The following POTEC variants were observed in gnomAD, a reference collection of about 807,000 sequenced individuals.
POTEC encodes POTE ankyrin domain family member C.
POTEC carries 35 observed loss-of-function variants against 62.0 expected under a neutral mutation model. The ratio of observed to expected loss-of-function variants is 0.56; its 90% CI spans 0.43 to 0.75. POTEC has a LOEUF of 0.75. Ranked by LOEUF, POTEC falls within the 30% of genes least tolerant of loss-of-function variation. The pLI is 0.00. For synonymous variants in POTEC, 156 were observed against 221.5 expected, an observed-to-expected ratio of 0.70 and a Z score of 2.62; for missense variants, 472 against 655.9, an observed-to-expected ratio of 0.72 and a Z score of 3.06.
intron 1 of POTEC, among the ~76,000 whole-genome samples, chr18:14,542,046 G>T (rs1415923841): frequency 1.3e-5 from 2 of 151,918 alleles, no homozygotes; most frequent in Non-Finnish European, 2.9e-5. Flanking sequence ...GCAATTTAAA[G>T]ACACTAAGAC....
chr18:14,520,613 T>A (rs552474807), intron 9 of POTEC, among the ~76,000 whole-genome samples: 10 of 151,868 alleles, frequency 6.6e-5, no homozygotes, highest in African/African-American at 2.2e-4. Flanking sequence ...GTGAGGTGAA[T>A]ACTGAAATAT....
intron 6 of POTEC, among the ~76,000 whole-genome samples, chr18:14,525,619 T>C (rs1034515640): frequency 6.6e-6 from 1 of 151,774 alleles, no homozygotes; most frequent in Non-Finnish European, 1.5e-5. Flanking sequence ...CACTATATGA[T>C]TAACTGCCTT....
intron 9 of POTEC, among the ~76,000 whole-genome samples, chr18:14,516,544 C>A (rs4454930): frequency 1.4e-5 from 2 of 140,160 alleles, no homozygotes; most frequent in Admixed American, 7.1e-5. Context: ...CTCACTATCA[C>A]GAGAACAGCA....
chr18:14,534,520 T>G (rs991204325), intron 4 of POTEC, among the ~76,000 whole-genome samples: 1 of 151,840 alleles, frequency 6.6e-6, no homozygotes, highest in African/African-American at 2.4e-5. Flanking sequence ...GCATATTTAG[T>G]GGAAAAACAT....
At chr18:14,537,198 CACACACACACACAA>C (rs1432464024) in intron 3 of POTEC, among the ~76,000 whole-genome samples, 5 of 83,734 alleles carry the variant, frequency 6.0e-5, no homozygotes, top group African/African-American at 3.7e-4. Context: ...CACACACACA[CACACACACACACAA>C]AAAAAAAAAA....
chr18:14,516,298 T>TTATATATATATATATATATATATA (rs200611192), intron 9 of POTEC, among the ~76,000 whole-genome samples: 4 of 25,116 alleles, frequency 1.6e-4, no homozygotes, highest in African/African-American at 3.6e-4. Context: ...AAAGAAAATT[T>TTATATATATATATATATATATATA]TATATATATA....
At chr18:14,519,554 T>C (rs1178912898) in intron 9 of POTEC, among the ~76,000 whole-genome samples, 2 of 151,920 alleles carry the variant, frequency 1.3e-5, no homozygotes, top group Admixed American at 6.6e-5. Flanking sequence ...CTGTGTCTAC[T>C]AAAAATACAA....
At chr18:14,525,428 G>T (rs926048401) in intron 6 of POTEC, among the ~76,000 whole-genome samples, 1 of 152,066 alleles carries the variant, frequency 6.6e-6, no homozygotes, top group African/African-American at 2.4e-5. Context: ...AGAAGCCAGA[G>T]CCCACAGGTA....
chr18:14,542,774 C>G lies in POTEC; in HGVS notation c.373G>C (p.Asp125His), dbSNP rs540152352. The change falls in exon 1 of 11, where the codon GAC becomes CAC. Residue 125 changes from aspartate (D) to histidine (H), a missense_variant. Around this residue, in one of 5 missense-constraint regions of POTEC, gnomAD observed 257 missense variants for 250.7 expected, o/e 1.03. Coordinates refer to ENST00000358970, the MANE Select transcript of POTEC (RefSeq NM_001137671.2). ...TACCTCGGCTCCATGAAGGCGCTGT[C>G]GTCGTAGTCTCCCCAAGCGCCCACG... Reference protein sequence around the residue: ...SNVGAWGDYDDSAFMEPRYHV... With the variant: ...SNVGAWGDYDHSAFMEPRYHV... The G allele has an allele frequency of 1.1e-4, 181 of 1,613,728 alleles. 1 individual carries two copies. The South Asian group carries it at 1.7e-3, about 15-fold the overall frequency.
At position 14,512,005 on chromosome 18, in the gene POTEC, A is replaced by C; in HGVS notation, c.1534-12T>G. 1 of 1,600,580 alleles carries C rather than the reference A, an allele frequency of 6.2e-7. No individual in the cohort carries two copies. Among genetic ancestry groups the C allele is most frequent in the African/African-American group, 1.3e-5 (1 of 74,558 alleles). On this transcript the variant is annotated splice_polypyrimidine_tract_variant and intron_variant, in intron 10 of 10. Coordinates refer to ENST00000358970, the MANE Select transcript of POTEC (RefSeq NM_001137671.2). ...TGACTAAGAGAAAGCTAAGTAAACA[A>C]AGGGAACTTTTAGTTAGCACTCAAT...
rs1284369790 is a variant in POTEC, at chr18:14,508,592, C to T, written c.*3306G>A. ...CAGGTCAGTTATTTTCTTCTTTATA[C>T]TCACTATTTTGTCTGTTAGTTCCTG... On this transcript the variant is annotated 3_prime_UTR_variant, in exon 11 of 11. Coordinates refer to ENST00000358970, the MANE Select transcript of POTEC (RefSeq NM_001137671.2). The T allele has an allele frequency of 1.3e-5, 2 of 152,604 alleles. No homozygotes were observed. Among genetic ancestry groups the T allele is most frequent in the East Asian group, 3.8e-4 (2 of 5,198 alleles). The allele number at this position is 152,604 out of a possible 1,614,324, so 9.5% of individuals were successfully genotyped here. A position where few individuals can be genotyped will look rare whatever the true frequency, so the allele number is the denominator to read the frequency against.
rs771696529 is a variant in POTEC, at chr18:14,511,920, A to C, written c.1607T>G (p.Leu536Arg). ...NSMLQEEIAM[L>R]ISGDWN Reference sequence around the variant, plus strand: ...CATCTAGTTCCAGTCTCCAGAAATTAGCATGGCAATTTCTTCCTGCAACAT... The same window carrying C: ...CATCTAGTTCCAGTCTCCAGAAATTCGCATGGCAATTTCTTCCTGCAACAT... Residue 536 changes from leucine (L) to arginine (R), a missense_variant, in exon 11 of 11, where the codon CTA becomes CGA. Physicochemically the swap from Leu to Arg is moderately radical, Grantham distance 102. This residue lies in a region of POTEC where 67 missense variants were observed against 58.3 expected (regional missense o/e 1.15). Coordinates refer to ENST00000358970, the MANE Select transcript of POTEC (RefSeq NM_001137671.2). The C allele has an allele frequency of 1.9e-6, 3 of 1,613,882 alleles. No homozygotes were observed. The Admixed American group carries it at 5.0e-5, about 27-fold the overall frequency.
rs1359882095 is a variant in POTEC, at chr18:14,543,204, G to A, written c.-58C>T. On this transcript the variant is annotated 5_prime_UTR_variant, in exon 1 of 11. Coordinates refer to ENST00000358970, the MANE Select transcript of POTEC (RefSeq NM_001137671.2). The stretch of plus-strand genomic sequence containing the variant: ...GCGAACAGATCGCGTCTACCAACCA[G>A]TTTCACCAACTAGCAGGAAACCCTG... The A allele has an allele frequency of 1.1e-5, 18 of 1,607,490 alleles. No individual in the cohort carries two copies. Among genetic ancestry groups the A allele is most frequent in the Non-Finnish European group, 1.4e-5 (17 of 1,176,110 alleles).
chr18:14,535,300 A>G (rs1473758812), intron 3 of POTEC, among the ~76,000 whole-genome samples: 1 of 146,348 alleles, frequency 6.8e-6, no homozygotes, highest in Non-Finnish European at 1.5e-5. Flanking sequence ...TTTTTTTTTC[A>G]TTTAAACAAA....
chr18:14,535,767 T>C (rs1207352778), intron 3 of POTEC, among the ~76,000 whole-genome samples: 1 of 151,950 alleles, frequency 6.6e-6, no homozygotes, highest in Non-Finnish European at 1.5e-5. Context: ...TAAAAACGAC[T>C]TACTGACCTA....
At chr18:14,515,304 C>T (rs1395939137) in intron 9 of POTEC, among the ~76,000 whole-genome samples, 1 of 152,150 alleles carries the variant, frequency 6.6e-6, no homozygotes, top group African/African-American at 2.4e-5. Context: ...TCAAATTATA[C>T]TCTAAGGCCA....
In POTEC at chr18:14,524,964, T is replaced by C. The variant is rs769354536; in HGVS notation, c.1146A>G (p.Thr382=). The change falls in exon 7 of 11, where the codon ACA becomes ACG. Residue 382 remains threonine (T), a synonymous_variant. Coordinates refer to ENST00000358970, the MANE Select transcript of POTEC (RefSeq NM_001137671.2). ...TAAGCCTTTGTGACTCTTCCTCTGA[T>C]GTTAGCTTTAAGTCTTGTTCTGTTG... ...NSNPEQDLKL[T]SEEESQRLKV... is the part of the protein sequence containing the mutation. 12 of 1,603,818 alleles carry C rather than the reference T, an allele frequency of 7.5e-6. No individual in the cohort carries two copies. The highest frequency in any genetic ancestry group is 1.7e-5 in the Admixed American group (1 of 58,226).
rs1909986298 is a variant in POTEC, at chr18:14,510,837, C to CA, written c.*1060_*1061insT. The CA allele has an allele frequency of 2.0e-5, 3 of 152,140 alleles. No homozygotes were observed. The highest frequency in any genetic ancestry group is 1.3e-4 in the Admixed American group (2 of 15,276). 9.4% of individuals were successfully genotyped at this position (152,140 alleles called of 1,614,324 possible). A position where few individuals can be genotyped will look rare whatever the true frequency, so the allele number is the denominator to read the frequency against. On this transcript the variant is annotated 3_prime_UTR_variant, in exon 11 of 11. Transcript: ENST00000358970. ...TGGTCTCCTCAGACACTCTGAAACT[C>CA]TAAGACTGAACTGGCTGAGTCATCC...
chr18:14,541,268 CTA>C lies in POTEC; in HGVS notation c.521+1356_521+1357del, dbSNP rs368303636. The stretch of plus-strand genomic sequence containing the variant: ...TAAATTCCTTCTCTTAGCAGGAATG[CTA>C]TGTTTTCCTATGTGCACAGGTCACT... On this transcript the variant is annotated intron_variant, in intron 1 of 10. Transcript: ENST00000358970. Among the ~76,000 whole-genome samples the C allele has an allele frequency of 5.5e-3, 839 of 152,242 alleles. 6 individuals are homozygous for C. The highest frequency in any genetic ancestry group is 0.046 in the South Asian group (219 of 4,810).
Sources: gnomAD v4.1 joint callset for allele counts (sites outside exome capture counted in the v4.1 genomes callset) on GRCh38, gnomAD v4.1.1 for gene constraint, gnomAD v4.1.1 regional missense constraint, MANE v1.5 for transcripts, NCBI Gene and HGNC (gene_info 2026-07-23, HGNC 2026-07-21) for gene names.